The following PDE4B variants were observed in gnomAD, a reference collection of about 807,000 sequenced individuals.
PDE4B encodes the protein phosphodiesterase 4B, also known as 3',5'-cyclic-AMP phosphodiesterase 4B.
A neutral mutation model predicts 82.2 loss-of-function variants in PDE4B; 20 were observed. That is an observed-to-expected ratio of 0.24 (90% CI 0.17 to 0.35). The LOEUF (loss-of-function observed/expected upper bound fraction) is 0.35. Ranked by LOEUF, PDE4B falls within the 10% of genes least tolerant of loss-of-function variation. The pLI, the probability that PDE4B is intolerant of heterozygous loss-of-function variation, is 1.00. For missense variants in PDE4B, 655 were observed against 907.2 expected (o/e 0.72, Z 3.57); for synonymous variants, 320 against 318.9 (o/e 1.00, Z -0.04).
intron 3 of PDE4B, among the ~76,000 whole-genome samples, chr1:66,095,854 T>C (rs1255264219): frequency 2.6e-5 from 4 of 151,960 alleles, no homozygotes; most frequent in Non-Finnish European, 5.9e-5. Context: ...TCAACTACTT[T>C]AACTGCTTCT....
intron 3 of PDE4B, among the ~76,000 whole-genome samples, chr1:66,244,267 A>G (rs536592611): frequency 1.3e-5 from 2 of 152,158 alleles, no homozygotes; most frequent in Admixed American, 6.5e-5. Context: ...AAAAAAATAA[A>G]CTGCTAGTAA....
chr1:66,301,627 G>GA (rs1657905346), intron 7 of PDE4B, among the ~76,000 whole-genome samples: 1 of 151,384 alleles, frequency 6.6e-6, no homozygotes, highest in South Asian at 2.1e-4. Flanking sequence ...AAGGATTAGA[G>GA]AAAAAATATT....
chr1:65,942,191 C>T (rs962376636), intron 3 of PDE4B, among the ~76,000 whole-genome samples: 2 of 151,982 alleles, frequency 1.3e-5, no homozygotes, highest in African/African-American at 4.8e-5. Context: ...ACACACCGAC[C>T]TCTTCAGTCC....
chr1:65,894,057 G>C (rs1646881778), intron 1 of PDE4B, among the ~76,000 whole-genome samples: 2 of 151,902 alleles, frequency 1.3e-5, no homozygotes, highest in Non-Finnish European at 1.5e-5. Flanking sequence ...ACACTGCTTG[G>C]GTGATGGGCG....
intron 4 of PDE4B, among the ~76,000 whole-genome samples, chr1:66,254,207 C>T (rs1380280023): frequency 1.3e-5 from 2 of 151,926 alleles, no homozygotes; most frequent in East Asian, 3.9e-4. Flanking sequence ...CAGAACACTT[C>T]ACTTGACTAG....
At chr1:65,931,022 C>G (rs1162010882) in intron 3 of PDE4B, among the ~76,000 whole-genome samples, 1 of 152,168 alleles carries the variant, frequency 6.6e-6, no homozygotes, top group African/African-American at 2.4e-5. Context: ...ATCATGGGGG[C>G]ACTTTCACAT....
At chr1:66,073,470 G>A (rs1323219391) in intron 3 of PDE4B, among the ~76,000 whole-genome samples, 1 of 152,072 alleles carries the variant, frequency 6.6e-6, no homozygotes, top group Non-Finnish European at 1.5e-5. Flanking sequence ...CTATAGAAGG[G>A]ATGGGGAAAC....
chr1:65,924,994 A>T (rs567947608), intron 3 of PDE4B, among the ~76,000 whole-genome samples: 1 of 152,308 alleles, frequency 6.6e-6, no homozygotes, highest in East Asian at 1.9e-4. Flanking sequence ...AGGGGAGGGG[A>T]TTCTGCAAAG....
At chr1:66,072,232 A>C (rs1656190827) in intron 3 of PDE4B, among the ~76,000 whole-genome samples, 1 of 152,134 alleles carries the variant, frequency 6.6e-6, no homozygotes, top group Non-Finnish European at 1.5e-5. Context: ...CAAGCATTGA[A>C]GTAAAAGAGT....
In PDE4B at chr1:66,265,987, ATGGGCAGTTT is replaced by A. The variant is rs1557667869; in HGVS notation, c.585-48_585-39del. The A allele has an allele frequency of 2.9e-6, 4 of 1,380,680 alleles. No homozygotes were observed. In the South Asian group the frequency reaches 4.6e-5, roughly 16 times the overall value. 85.5% of individuals were successfully genotyped at this position (1,380,680 alleles called of 1,614,324 possible). A position where few individuals can be genotyped will look rare whatever the true frequency, so the allele number is the denominator to read the frequency against. On this transcript the variant is annotated intron_variant, in intron 6 of 16. Coordinates refer to ENST00000341517, the MANE Select transcript of PDE4B (RefSeq NM_002600.4). ...ATGAGGGTGGGGTGTCGGGGGTGGA[ATGGGCAGTTT>A]TGATACACAGACTCAGTCCTTCTTT...
At chr1:65,825,242 T>A (rs1488893628) in intron 1 of PDE4B, among the ~76,000 whole-genome samples, 1 of 152,096 alleles carries the variant, frequency 6.6e-6, no homozygotes, top group African/African-American at 2.4e-5. Context: ...CTTTTTCAAT[T>A]GTGGACATTG....
intron 3 of PDE4B, among the ~76,000 whole-genome samples, chr1:66,113,190 T>C (rs1645524385): frequency 6.6e-6 from 1 of 152,274 alleles, no homozygotes; most frequent in Non-Finnish European, 1.5e-5. Flanking sequence ...GTTGCATTGC[T>C]GGGCTGCTCC....
At chr1:66,109,475 AT>A (rs929356062) in intron 3 of PDE4B, among the ~76,000 whole-genome samples, 12 of 59,150 alleles carry the variant, frequency 2.0e-4, no homozygotes, top group East Asian at 1.6e-3. Flanking sequence ...TTGGAAAACA[AT>A]TTAAAAAAAA....
chr1:66,087,925 G>T (rs1393931136), intron 3 of PDE4B, among the ~76,000 whole-genome samples: 1 of 150,726 alleles, frequency 6.6e-6, no homozygotes, highest in South Asian at 2.1e-4. Context: ...GCTAGATGAC[G>T]AGTTAGTGGG....
chr1:65,832,739 T>C (rs1205906287), intron 1 of PDE4B, among the ~76,000 whole-genome samples: 1 of 152,224 alleles, frequency 6.6e-6, no homozygotes, highest in Non-Finnish European at 1.5e-5. Flanking sequence ...AGGTATGTCT[T>C]CTGACAAGTT....
chr1:65,945,172 G>A (rs1206766733), intron 3 of PDE4B, among the ~76,000 whole-genome samples: 1 of 151,924 alleles, frequency 6.6e-6, no homozygotes, highest in Admixed American at 6.6e-5. Flanking sequence ...CTAAAGTATA[G>A]GGTTCCATGC....
intron 3 of PDE4B, among the ~76,000 whole-genome samples, chr1:65,977,712 G>C (rs780565147): frequency 6.6e-6 from 1 of 152,164 alleles, no homozygotes; most frequent in Non-Finnish European, 1.5e-5. Context: ...AACTCACTTT[G>C]TGTTATCCTA....
At chr1:65,969,699 C>T (rs1480767725) in intron 3 of PDE4B, among the ~76,000 whole-genome samples, 1 of 151,864 alleles carries the variant, frequency 6.6e-6, no homozygotes, top group Non-Finnish European at 1.5e-5. Flanking sequence ...TACTTTTGCC[C>T]ATGGATATTA....
chr1:66,348,056 G>C (rs1213465623), intron 8 of PDE4B, among the ~76,000 whole-genome samples: 1 of 152,192 alleles, frequency 6.6e-6, no homozygotes, highest in African/African-American at 2.4e-5. Context: ...TGGATGGTCT[G>C]TGGGTCTGAT....
Sources: allele counts gnomAD v4.1 joint callset (sites outside exome capture counted in the v4.1 genomes callset), GRCh38; gene constraint gnomAD v4.1.1; transcripts MANE v1.5; gene names NCBI Gene and HGNC (gene_info 2026-07-23, HGNC 2026-07-21).